The following ZNF217 variants were observed in gnomAD, a reference collection of about 807,000 sequenced individuals.
The protein encoded by ZNF217 is zinc finger protein 217.
Under a neutral mutation model 73.3 loss-of-function variants are expected in ZNF217, and 12 were observed. That is an observed-to-expected ratio of 0.16 (90% CI 0.10 to 0.27). The LOEUF (loss-of-function observed/expected upper bound fraction) is 0.27. Among genes scored for constraint, ZNF217 ranks in the 10% least tolerant of loss-of-function variants. The pLI is 1.00. For synonymous variants in ZNF217, 588 were observed against 516.4 expected, an observed-to-expected ratio of 1.14 and a Z score of -1.88; for missense variants, 1,195 against 1,327.8, an observed-to-expected ratio of 0.90 and a Z score of 1.55.
rs760608608 is a variant in ZNF217, at chr20:53,581,971, A to C, written c.856T>G (p.Cys286Gly). 1.2e-6 allele frequency: 2 copies of C among 1,614,230 alleles called. No homozygotes were observed. Among genetic ancestry groups the C allele is most frequent in the Non-Finnish European group, 1.7e-6 (2 of 1,180,030 alleles). Residue 286 changes from cysteine to glycine, a missense_variant, in exon 2 of 6, where the codon TGC becomes GGC. This residue lies in a region of ZNF217 where 126 missense variants were observed against 114.4 expected (regional missense o/e 1.10). Transcript: ENST00000371471. The surrounding 1 kb of genome is among the most constrained non-coding windows in gnomAD (Gnocchi z 4.9). Reference sequence around the variant, plus strand: ...GTGAACGGATCGAGCTGAGGGATGCATCTGACAGGCTTCTTCCCCGTTTCA... The same window carrying C: ...GTGAACGGATCGAGCTGAGGGATGCCTCTGACAGGCTTCTTCCCCGTTTCA... ...HPETGKKPVR[C>G]IPQLDPFTTF... is the part of the protein sequence containing the mutation.
upstream of ZNF217, among the ~76,000 whole-genome samples, chr20:53,597,223 C>T (rs1989057946): frequency 6.6e-6 from 1 of 151,982 alleles, no homozygotes. Context: ...CGTTATTTTA[C>T]TGTGGAACTA....
At chr20:53,578,642 T>C (rs999489166) in intron 2 of ZNF217, among the ~76,000 whole-genome samples, 192 bp from the exon 3 acceptor site, 1 of 152,200 alleles carries the variant, frequency 6.6e-6, no homozygotes, top group East Asian at 1.9e-4. Context: ...TTTTAGAGTG[T>C]TATAACATGA....
rs755751414 is a variant in ZNF217, at chr20:53,576,907, G to A, written c.1857C>T (p.Thr619=). 1.9e-6 allele frequency: 3 copies of A among 1,613,998 alleles called. No individual in the cohort carries two copies. Among genetic ancestry groups the A allele is most frequent in the Non-Finnish European group, 2.5e-6 (3 of 1,180,042 alleles). Residue 619 remains threonine, a synonymous_variant, in exon 4 of 6, where the codon ACC becomes ACT. Coordinates refer to ENST00000371471, the MANE Select transcript of ZNF217 (RefSeq NM_006526.3). ...TTTTTAACAGGTCCAGGTAAGCAGG[G>A]GTAGGGTTTTTATTCACTTTATCAG... ...DSADKVNKNP[T]PAYLDLLKKR... is the part of the protein sequence containing the mutation.
upstream of ZNF217, among the ~76,000 whole-genome samples, chr20:53,595,985 T>C (rs554014983): frequency 2.2e-4 from 33 of 152,306 alleles, no homozygotes; most frequent in Admixed American, 1.9e-3. Flanking sequence ...ATAGCACTGA[T>C]AGTTAAAAAT....
chr20:53,581,577 G>T lies in ZNF217; in HGVS notation c.1250C>A (p.Pro417Gln), dbSNP rs752767264. 2 of 1,614,208 alleles carry T rather than the reference G, an allele frequency of 1.2e-6. No individual in the cohort carries two copies. Among genetic ancestry groups the T allele is most frequent in the Admixed American group, 3.3e-5 (2 of 60,030 alleles). Reference sequence around the variant, plus strand: ...GGCGAGGTCAGGAGAACACGTCCCCGGCTGCCTCCCGTCCACAGACATGGT... The same window carrying T: ...GGCGAGGTCAGGAGAACACGTCCCCTGCTGCCTCCCGTCCACAGACATGGT... ...SPTMSVDGRQ[P>Q]GTCSPDLAAP... Residue 417 changes from proline (P) to glutamine (Q), a missense_variant, in exon 2 of 6, where the codon CCG (proline) becomes CAG (glutamine). By Grantham distance (76) the Pro-to-Gln change is moderately conservative (BLOSUM62 -1). This residue lies in a region of ZNF217 where 116 missense variants were observed against 121.9 expected (regional missense o/e 0.95). Coordinates refer to ENST00000371471, the MANE Select transcript of ZNF217 (RefSeq NM_006526.3). The surrounding 1 kb of genome is among the most constrained non-coding windows in gnomAD (Gnocchi z 4.9).
chr20:53,572,759 T>C (rs1568679233), intron 4 of ZNF217: 1 of 152,102 alleles, frequency 6.6e-6, no homozygotes, highest in African/African-American at 2.4e-5. Context: ...CACAAACCAG[T>C]AGAGCTTCTA....
chr20:53,587,826 C>G (rs1054927135), intron 1 of ZNF217, among the ~76,000 whole-genome samples: 3 of 147,972 alleles, frequency 2.0e-5, no homozygotes, highest in African/African-American at 7.6e-5. Context: ...CTTAATCTGA[C>G]AAGTGGAGAA....
In ZNF217 at chr20:53,577,111, A is replaced by C. The variant is rs763732879; in HGVS notation, c.1653T>G (p.Ser551Arg). ...ATCTTTTCAAATTTTTGGTTTGCGC[A>C]CTGTCAGCGGTTAATAGTGCATCTT... ...DTEDALLTAD[S>R]AQTKNLKRFF... The change falls in exon 4 of 6, where the codon AGT becomes AGG. Residue 551 changes from serine (S) to arginine (R), a missense_variant. Around this residue, in one of 9 missense-constraint regions of ZNF217, gnomAD observed 649 missense variants for 642.8 expected, o/e 1.01. Coordinates refer to ENST00000371471, the MANE Select transcript of ZNF217 (RefSeq NM_006526.3). 33 of 1,614,104 alleles carry C rather than the reference A, an allele frequency of 2.0e-5. No individual in the cohort carries two copies. The Admixed American group carries it at 5.5e-4, about 27-fold the overall frequency.
At chr20:53,592,708 C>G (rs572976859) in intron 1 of ZNF217, among the ~76,000 whole-genome samples, 2 of 152,048 alleles carry the variant, frequency 1.3e-5, no homozygotes, top group Non-Finnish European at 2.9e-5. Flanking sequence ...CTCCCGGGCC[C>G]CCAGCAGCGC....
At chr20:53,595,734 G>A (rs2766680), upstream of ZNF217, among the ~76,000 whole-genome samples, 121,125 of 152,142 alleles carry the variant, frequency 0.8, 48,417 homozygotes, top group East Asian at 0.96. Flanking sequence ...TTCTGACAAA[G>A]GATGAATACC....
At chr20:53,585,114 A>C (rs1568689981) in intron 1 of ZNF217, among the ~76,000 whole-genome samples, 2 of 150,640 alleles carry the variant, frequency 1.3e-5, no homozygotes, top group Admixed American at 6.6e-5. Flanking sequence ...AAAAAAAAAA[A>C]AAAACTAAGT....
chr20:53,572,305 T>A (rs1988045923), intron 4 of ZNF217, among the ~76,000 whole-genome samples: 1 of 152,032 alleles, frequency 6.6e-6, no homozygotes, highest in Non-Finnish European at 1.5e-5. Flanking sequence ...CTCGGGAGGC[T>A]GAGACGGAAG....
upstream of ZNF217, among the ~76,000 whole-genome samples, chr20:53,594,764 G>C (rs1192677336): frequency 6.6e-6 from 1 of 152,150 alleles, no homozygotes; most frequent in African/African-American, 2.4e-5. Context: ...GGGTCACCCC[G>C]AATTACAAAC....
chr20:53,585,760 A>C (rs1988673075), intron 1 of ZNF217, among the ~76,000 whole-genome samples: 1 of 152,192 alleles, frequency 6.6e-6, no homozygotes, highest in African/African-American at 2.4e-5. Flanking sequence ...AAACGATCTT[A>C]GGACAGAGGA....
chr20:53,567,521 C>A lies in ZNF217; in HGVS notation c.*1767G>T, dbSNP rs1286023909. On this transcript the variant is annotated 3_prime_UTR_variant, in exon 6 of 6. Transcript: ENST00000371471. ...TCCAGCCCTCTATTATCACATACCC[C>A]CTTTAAGATTTATGGTTCTAGTCAC... is the stretch of plus-strand genomic sequence containing the variant. 6.6e-6 allele frequency: 1 copy of A among 152,498 alleles called. No individual in the cohort carries two copies. Among genetic ancestry groups the A allele is most frequent in the African/African-American group, 2.4e-5 (1 of 41,402 alleles). 9.4% of individuals were successfully genotyped at this position (152,498 alleles called of 1,614,324 possible).
chr20:53,582,519 T>G lies in ZNF217; in HGVS notation c.308A>C (p.Glu103Ala), dbSNP rs1988550446. 1 of 1,614,068 alleles carries G rather than the reference T, an allele frequency of 6.2e-7. No homozygotes were observed. The highest frequency in any genetic ancestry group is 1.3e-5 in the African/African-American group (1 of 74,908). The change falls in exon 2 of 6, where the codon GAG (glutamate) becomes GCG (alanine). Residue 103 changes from glutamate (E) to alanine (A), a missense_variant. Glu to Ala is a moderately radical substitution (Grantham distance 107). This residue lies in a region of ZNF217 where 147 missense variants were observed against 184.3 expected (regional missense o/e 0.80). Coordinates refer to ENST00000371471, the MANE Select transcript of ZNF217 (RefSeq NM_006526.3). This position sits in a 1 kb window ranked among gnomAD's most constrained non-coding sequence, Gnocchi z 4.8. ...CEPAVLRVEA[E>A]YLSPLDKSQV... The stretch of plus-strand genomic sequence containing the variant: ...ACTTTTATCAAGCGGACTGAGATAC[T>G]CTGCTTCAACCCGAAGAACTGCTGG...
At chr20:53,580,371 A>G (rs932714756) in intron 2 of ZNF217, among the ~76,000 whole-genome samples, 1 of 152,196 alleles carries the variant, frequency 6.6e-6, no homozygotes, top group Non-Finnish European at 1.5e-5. Context: ...ACCGAGGACC[A>G]CTTTGACAGA....
intron 1 of ZNF217, among the ~76,000 whole-genome samples, chr20:53,588,232 G>C (rs1988762801): frequency 6.6e-6 from 1 of 151,926 alleles, no homozygotes; most frequent in South Asian, 2.1e-4. Context: ...ATCAGTTAAG[G>C]TCAGTTAAGG....
In ZNF217 at chr20:53,571,722, T is replaced by C; in HGVS notation, c.*22A>G. The C allele has an allele frequency of 6.2e-7, 1 of 1,603,046 alleles. No individual in the cohort carries two copies. ...TTTTTAATTGAAACATATGCTCACC[T>C]TTTTTCCCCCTAATTAGTGAATCAA... On this transcript the variant is annotated splice_region_variant and 3_prime_UTR_variant, in exon 5 of 6. Transcript: ENST00000371471.
Sources: gnomAD v4.1 joint callset for allele counts (sites outside exome capture counted in the v4.1 genomes callset) on GRCh38, gnomAD v4.1.1 for gene constraint, gnomAD v4.1.1 regional missense constraint, Gnocchi (gnomAD v3.1) non-coding constraint, MANE v1.5 for transcripts, NCBI Gene and HGNC (gene_info 2026-07-23, HGNC 2026-07-21) for gene names.